Variants in AHRR observed in about 807,000 individuals in gnomAD.
AHRR encodes ahR repressor.
A neutral mutation model predicts 44.0 loss-of-function variants in AHRR; 28 were observed. The observed-to-expected ratio is 0.64, with a 90% CI of 0.47 to 0.87. The LOEUF is 0.87. Ranked by LOEUF, AHRR falls within the 40% of genes least tolerant of loss-of-function variation. The pLI, the probability that AHRR is intolerant of heterozygous loss-of-function variation, is 0.00. For synonymous variants in AHRR, 434 were observed against 407.0 expected (o/e 1.07, Z -0.80); for missense variants, 990 against 953.9 (o/e 1.04, Z -0.50).
In AHRR at chr5:387,967, C is replaced by T. The variant is rs1033223353; in HGVS notation, c.351+11251C>T. Among the ~76,000 whole-genome samples the T allele has an allele frequency of 1.3e-5, 2 of 152,180 alleles. No individual in the cohort carries two copies. The highest frequency in any genetic ancestry group is 2.9e-5 in the Non-Finnish European group (2 of 68,030). On this transcript the variant is annotated intron_variant, in intron 4 of 10. Transcript: ENST00000684583. The surrounding 1 kb of genome is among the most constrained non-coding windows in gnomAD (Gnocchi z 5.1). ...ACCCCCTCGCTTCTGGAATGTTCTT[C>T]TTGTGAATCTGCATCTCTGTCAGTG... is the stretch of plus-strand genomic sequence containing the variant.
chr5:368,393 C>T (rs1211834049), intron 3 of AHRR, among the ~76,000 whole-genome samples: 4 of 152,234 alleles, frequency 2.6e-5, no homozygotes, highest in South Asian at 2.1e-4. Context: ...GTGCACCGCA[C>T]GCTGATTCAC....
Position 383,331 on chromosome 5 carries a change from A to G in AHRR, c.351+6615A>G, listed in dbSNP as rs922109061. 6.6e-6 allele frequency among the ~76,000 whole-genome samples: 1 copy of G among 152,222 alleles called. No individual in the cohort carries two copies. The highest frequency in any genetic ancestry group is 1.5e-5 in the Non-Finnish European group (1 of 68,036). On this transcript the variant is annotated intron_variant, in intron 4 of 10. Transcript: ENST00000684583. The surrounding 1 kb of genome is among the most constrained non-coding windows in gnomAD (Gnocchi z 4.0). ...TATCTAGTCTCAACCTGAGAGAAGA[A>G]TGTCAACATCTTAAAGTACAATTGT...
chr5:337,867 A>T lies in AHRR; in HGVS notation c.-10-6026A>T, dbSNP rs1742197473. Reference sequence around the variant, plus strand: ...GCAGTGGTGAGCAGGAACACGAAAAAATAGGAAGCACTGGAACCAGGAGAG... The same window carrying T: ...GCAGTGGTGAGCAGGAACACGAAAATATAGGAAGCACTGGAACCAGGAGAG... On this transcript the variant is annotated intron_variant, in intron 1 of 10. Coordinates refer to ENST00000684583, the MANE Select transcript of AHRR (RefSeq NM_001377236.1). This position sits in a 1 kb window ranked among gnomAD's most constrained non-coding sequence, Gnocchi z 4.1. Among the ~76,000 whole-genome samples, 1 of 152,216 alleles carries T rather than the reference A, an allele frequency of 6.6e-6. No homozygotes were observed. The highest frequency in any genetic ancestry group is 1.5e-5 in the Non-Finnish European group (1 of 68,034).
At chr5:392,522 G>A (rs960212799) in intron 4 of AHRR, among the ~76,000 whole-genome samples, 1 of 152,098 alleles carries the variant, frequency 6.6e-6, no homozygotes, top group Admixed American at 6.5e-5. Flanking sequence ...CAGACGCGGC[G>A]TCCACAGCCA....
At chr5:373,987 G>A (rs1743680276) in intron 3 of AHRR, among the ~76,000 whole-genome samples, 1 of 151,856 alleles carries the variant, frequency 6.6e-6, no homozygotes, top group Non-Finnish European at 1.5e-5. Context: ...GCGCGCCCCT[G>A]CCGCCGCACC....
At position 434,762 on chromosome 5, in the gene AHRR, C is replaced by T. The variant is rs528231943; in HGVS notation, c.2022C>T (p.Pro674=). ...CTACTCACAGCCAGGGAATGGTGCC[C>T]GGGATGTTGCCCAAAAGTGCCTTGG... The part of the protein sequence containing the change: ...QWATHSQGMV[P]GMLPKSALAT... Residue 674 remains proline (P), a synonymous_variant, in exon 11 of 11, where the codon CCC becomes CCT. Coordinates refer to ENST00000684583, the MANE Select transcript of AHRR (RefSeq NM_001377236.1). 18 of 1,562,294 alleles carry T rather than the reference C, an allele frequency of 1.2e-5. No individual in the cohort carries two copies. Among genetic ancestry groups the T allele is most frequent in the African/African-American group, 4.1e-5 (3 of 73,796 alleles).
In AHRR at chr5:434,841, G is replaced by A; in HGVS notation, c.*7G>A. On this transcript the variant is annotated 3_prime_UTR_variant, in exon 11 of 11. Coordinates refer to ENST00000684583, the MANE Select transcript of AHRR (RefSeq NM_001377236.1). ...GTGCACATTCCTGCCATAGCGCAGT[G>A]ACCACCATCCAAGCTCAGATCTGTG... The A allele has an allele frequency of 1.3e-6, 2 of 1,538,594 alleles. No homozygotes were observed. Among genetic ancestry groups the A allele is most frequent in the Middle Eastern group, 2.1e-4 (1 of 4,818 alleles).
rs994862161 is a variant in AHRR, at chr5:419,654, G to A, written c.442-3075G>A. On this transcript the variant is annotated intron_variant, in intron 5 of 10. Transcript: ENST00000684583. The surrounding 1 kb of genome is among the most constrained non-coding windows in gnomAD (Gnocchi z 4.4). The stretch of plus-strand genomic sequence containing the variant: ...CCATATTTCCCATTGTCCTGGCAAA[G>A]CCGGGGCCCTCCATGGTGCCCGGCT... Among the ~76,000 whole-genome samples the A allele has an allele frequency of 1.3e-4, 20 of 152,244 alleles. No individual in the cohort carries two copies. Among genetic ancestry groups the A allele is most frequent in the Non-Finnish European group, 1.8e-4 (12 of 68,018 alleles).
At chr5:367,995 G>A (rs561322490) in intron 3 of AHRR, 2 of 696,020 alleles carry the variant, frequency 2.9e-6, no homozygotes, top group Non-Finnish European at 5.3e-6. Context: ...GATGTGTGAG[G>A]ACAATGAAGG....
In AHRR at chr5:413,383, A is replaced by G; in HGVS notation, c.391A>G (p.Thr131Ala). The change falls in exon 5 of 11, where the codon ACG (threonine) becomes GCG (alanine). Residue 131 changes from threonine (T) to alanine (A), a missense_variant. By Grantham distance (58) the Thr-to-Ala change is moderately conservative. Transcript: ENST00000684583. ...GFALVVSAEG[T>A]IFYASATIVD... is the part of the protein sequence containing the mutation. The stretch of plus-strand genomic sequence containing the variant: ...TGCTCTGGTCGTGAGTGCAGAAGGG[A>G]CGATATTTTATGCATCAGCAACGAT... 1 of 1,613,368 alleles carries G rather than the reference A, an allele frequency of 6.2e-7. No individual in the cohort carries two copies. Among genetic ancestry groups the G allele is most frequent in the Non-Finnish European group, 8.5e-7 (1 of 1,179,810 alleles).
intron 4 of AHRR, among the ~76,000 whole-genome samples, chr5:393,795 GC>G (rs971598934): frequency 2.0e-5 from 3 of 152,122 alleles, no homozygotes; most frequent in Non-Finnish European, 2.9e-5. Context: ...ATGCCACAAT[GC>G]CCGGCTAATT....
At chr5:362,227 A>G (rs1743209320) in intron 3 of AHRR, among the ~76,000 whole-genome samples, 1 of 152,262 alleles carries the variant, frequency 6.6e-6, no homozygotes, top group Non-Finnish European at 1.5e-5. Context: ...GTGGCTGTCC[A>G]CAAGCCAAGA....
At chr5:424,689 A>G (rs1308670945) in intron 7 of AHRR, among the ~76,000 whole-genome samples, 1 of 152,190 alleles carries the variant, frequency 6.6e-6, no homozygotes, top group Non-Finnish European at 1.5e-5. Flanking sequence ...AAGGGCTGGC[A>G]AACTGGGAGA....
chr5:419,980 G>A lies in AHRR; in HGVS notation c.442-2749G>A, dbSNP rs190107533. On this transcript the variant is annotated intron_variant, in intron 5 of 10. Transcript: ENST00000684583. The surrounding 1 kb of genome is among the most constrained non-coding windows in gnomAD (Gnocchi z 4.4). ...TTGTGGATCCCCTTTTCTGGCCATC[G>A]GGATGTGGATGTGCATTTGTTAAAC... 7.9e-5 allele frequency among the ~76,000 whole-genome samples: 12 copies of A among 152,274 alleles called. No individual in the cohort carries two copies. The highest frequency in any genetic ancestry group is 3.3e-4 in the Admixed American group (5 of 15,304).
At chr5:423,816 G>A (rs1359973389) in intron 6 of AHRR, 25 bp from the exon 7 acceptor site, 9 of 1,573,028 alleles carry the variant, frequency 5.7e-6, no homozygotes, top group African/African-American at 2.7e-5. Context: ...CCACCGCCAC[G>A]CCCCTTGGCC....
Position 434,869 on chromosome 5 carries a change from T to C in AHRR, c.*35T>C. The C allele has an allele frequency of 6.6e-7, 1 of 1,511,310 alleles. No individual in the cohort carries two copies. The highest frequency in any genetic ancestry group is 1.3e-5 in the South Asian group (1 of 78,274). 93.6% of individuals were successfully genotyped at this position (1,511,310 alleles called of 1,614,324 possible). A position where few individuals can be genotyped will look rare whatever the true frequency, so the allele number is the denominator to read the frequency against. On this transcript the variant is annotated 3_prime_UTR_variant, in exon 11 of 11. Transcript: ENST00000684583. ...CACCATCCAAGCTCAGATCTGTGTG[T>C]CTACGCTCAGATGCGTCGGTGGCTG...
At chr5:359,877 A>C (rs1316790016) in intron 3 of AHRR, among the ~76,000 whole-genome samples, 1 of 152,172 alleles carries the variant, frequency 6.6e-6, no homozygotes, top group Non-Finnish European at 1.5e-5. Flanking sequence ...TAGCAGGTCA[A>C]AAGTTCCATG....
chr5:432,544 T>A lies in AHRR; in HGVS notation c.970+20T>A. On this transcript the variant is annotated intron_variant, in intron 9 of 10. Transcript: ENST00000684583. ...CAGCAGGTACTTAGAACATTTCTTA[T>A]CTGATCTTTTCCACATGGGTAAAAT... 1 of 1,610,032 alleles carries A rather than the reference T, an allele frequency of 6.2e-7. No individual in the cohort carries two copies. Among genetic ancestry groups the A allele is most frequent in the African/African-American group, 1.3e-5 (1 of 74,990 alleles).
Position 370,154 on chromosome 5 carries a change from C to T in AHRR, c.245-6456C>T, listed in dbSNP as rs182653497. ...GGCCCTCGCTGGTGCCCCGTCCTCC[C>T]GGGCCCTCGCTGGAAGCCCCGTCCT... On this transcript the variant is annotated intron_variant, in intron 3 of 10. Coordinates refer to ENST00000684583, the MANE Select transcript of AHRR (RefSeq NM_001377236.1). The surrounding 1 kb of genome is among the most constrained non-coding windows in gnomAD (Gnocchi z 4.5). Among the ~76,000 whole-genome samples the T allele has an allele frequency of 8.2e-5, 11 of 133,560 alleles. No individual in the cohort carries two copies. Among genetic ancestry groups the T allele is most frequent in the Admixed American group, 2.9e-4 (4 of 13,696 alleles). 87.6% of individuals were successfully genotyped at this position (133,560 alleles called of 152,430 possible).
Sources: allele counts gnomAD v4.1 joint callset (sites outside exome capture counted in the v4.1 genomes callset), GRCh38; gene constraint gnomAD v4.1.1; non-coding constraint Gnocchi (gnomAD v3.1); transcripts MANE v1.5; gene names NCBI Gene and HGNC (gene_info 2026-07-23, HGNC 2026-07-21).